The following SPHK1 variants were observed in gnomAD, a reference collection of about 807,000 sequenced individuals.
The protein encoded by SPHK1 is SK 1.
SPHK1 carries 10 observed loss-of-function variants against 14.6 expected under a neutral mutation model. That is an observed-to-expected ratio of 0.68 (90% CI 0.42 to 1.16). The LOEUF (loss-of-function observed/expected upper bound fraction) is 1.16, where lower values mean the gene tolerates loss of function less well. Ranked by LOEUF, SPHK1 falls within the 50% of genes most tolerant of loss-of-function variation. The probability of loss-of-function intolerance (pLI) is 0.00; values close to 1 mark genes in which losing one functional copy is unlikely to be tolerated. For missense variants in SPHK1, 553 were observed against 525.4 expected (o/e 1.05, Z -0.51); for synonymous variants, 274 against 224.0 (o/e 1.22, Z -1.99).
Position 76,386,237 on chromosome 17 carries a change from G to T in SPHK1, c.180G>T (p.Ala60=). 6.3e-7 allele frequency: 1 copy of T among 1,594,876 alleles called. No homozygotes were observed. The highest frequency in any genetic ancestry group is 8.5e-7 in the Non-Finnish European group (1 of 1,176,508). The change falls in exon 4 of 6, where the codon GCG becomes GCT. Residue 60 remains alanine (A), a synonymous_variant. Coordinates refer to ENST00000592299, the MANE Select transcript of SPHK1 (RefSeq NM_001142601.2). The surrounding 1 kb of genome is among the most constrained non-coding windows in gnomAD (Gnocchi z 5.3). ...TCCCTGCAGAGCGGCGGAACCACGC[G>T]CGGGAGCTGGTGCGGTCGGAGGAGC... ...TLMLTERRNH[A]RELVRSEELG...
chr17:76,386,798 C>T lies in SPHK1; in HGVS notation c.375-8C>T. On this transcript the variant is annotated splice_polypyrimidine_tract_variant and splice_region_variant and intron_variant, in intron 5 of 5. Coordinates refer to ENST00000592299, the MANE Select transcript of SPHK1 (RefSeq NM_001142601.2). This position sits in a 1 kb window ranked among gnomAD's most constrained non-coding sequence, Gnocchi z 5.3. Reference sequence around the variant, plus strand: ...TGTCCTGCCTTATCTGACTTTTTCCCCCTGCAGCTATGAGCAGGTCACCAA... The same window carrying T: ...TGTCCTGCCTTATCTGACTTTTTCCTCCTGCAGCTATGAGCAGGTCACCAA... 3.3e-6 allele frequency: 5 copies of T among 1,530,008 alleles called. No homozygotes were observed. The highest frequency in any genetic ancestry group is 4.4e-6 in the Non-Finnish European group (5 of 1,138,410). 94.8% of individuals were successfully genotyped at this position (1,530,008 alleles called of 1,614,324 possible). A position where few individuals can be genotyped will look rare whatever the true frequency, so the allele number is the denominator to read the frequency against.
In SPHK1 at chr17:76,386,293, C is replaced by G. The variant is rs570383206; in HGVS notation, c.236C>G (p.Ser79Cys). The change falls in exon 4 of 6, where the codon TCT (serine) becomes TGT (cysteine). Residue 79 changes from serine to cysteine, a missense_variant. Coordinates refer to ENST00000592299, the MANE Select transcript of SPHK1 (RefSeq NM_001142601.2). This position sits in a 1 kb window ranked among gnomAD's most constrained non-coding sequence, Gnocchi z 5.3. ...CGCTGGGACGCTCTGGTGGTCATGT[C>G]TGGAGACGGGCTGATGCACGAGGTG... ...LGRWDALVVMSGDGLMHEVVN... is the reference protein window; with the variant it reads ...LGRWDALVVMCGDGLMHEVVN... 1 of 1,602,888 alleles carries G rather than the reference C, an allele frequency of 6.2e-7. No individual in the cohort carries two copies. Among genetic ancestry groups the G allele is most frequent in the Admixed American group, 1.7e-5 (1 of 59,568 alleles).
intron 1 of SPHK1, 177 bp downstream of exon 1, chr17:76,384,983 G>T: frequency 2.6e-6 from 3 of 1,163,428 alleles, no homozygotes; most frequent in Non-Finnish European, 3.5e-6. Flanking sequence ...CGCGCGCGTC[G>T]CAACGGAGCG....
rs777730872 is a variant in SPHK1, at chr17:76,386,187, C to T, written c.164-34C>T. 1.0e-4 allele frequency: 163 copies of T among 1,591,010 alleles called. No individual in the cohort carries two copies. Among genetic ancestry groups the T allele is most frequent in the Middle Eastern group, 3.4e-4 (2 of 5,954 alleles). On this transcript the variant is annotated intron_variant, in intron 3 of 5. Coordinates refer to ENST00000592299, the MANE Select transcript of SPHK1 (RefSeq NM_001142601.2). The surrounding 1 kb of genome is among the most constrained non-coding windows in gnomAD (Gnocchi z 5.3). The stretch of plus-strand genomic sequence containing the variant: ...CGGGAGCATCCCCTGGCAGGGGACC[C>T]CCCCAGTCCTGATAGCTGCCGGTCT...
upstream of SPHK1, chr17:76,383,880 C>G (rs188485407): frequency 1.2e-4 from 148 of 1,274,562 alleles, no homozygotes; most frequent in African/African-American, 1.9e-3. Context: ...ACGGGGGCCC[C>G]CAGGCCCATC....
Position 76,387,271 on chromosome 17 carries a change from T to C in SPHK1, c.840T>C (p.Cys280=). The stretch of plus-strand genomic sequence containing the variant: ...TGTTTGCTGCACCCATGGGCCGCTG[T>C]GCAGCTGGCGTCATGCATCTGTTCT... The part of the protein sequence containing the change: ...SEMFAAPMGR[C]AAGVMHLFYV... Residue 280 remains cysteine (C), a synonymous_variant, in exon 6 of 6, where the codon TGT becomes TGC. Transcript: ENST00000592299. This position sits in a 1 kb window ranked among gnomAD's most constrained non-coding sequence, Gnocchi z 4.1. 1.2e-6 allele frequency: 2 copies of C among 1,613,488 alleles called. No individual in the cohort carries two copies. Among genetic ancestry groups the C allele is most frequent in the Non-Finnish European group, 1.7e-6 (2 of 1,179,962 alleles).
In SPHK1 at chr17:76,385,206, C is replaced by CT; in HGVS notation, c.-194-244dup. On this transcript the variant is annotated intron_variant, in intron 1 of 5. Transcript: ENST00000592299. The surrounding 1 kb of genome is among the most constrained non-coding windows in gnomAD (Gnocchi z 5.3). ...GTCCGTCGGAGGGAGCCACGGGGCTCTGACTCATCCGTCGGGCCGGAACCG... is the reference window on the plus strand; with the variant it reads ...GTCCGTCGGAGGGAGCCACGGGGCTCTTGACTCATCCGTCGGGCCGGAACCG... 1 of 1,562,224 alleles carries CT rather than the reference C, an allele frequency of 6.4e-7. No homozygotes were observed. Among genetic ancestry groups the CT allele is most frequent in the Middle Eastern group, 2.0e-4 (1 of 4,886 alleles).
In SPHK1 at chr17:76,386,007, C is replaced by G. The variant is rs373986019; in HGVS notation, c.33C>G (p.Leu11=). The G allele has an allele frequency of 6.2e-7, 1 of 1,602,894 alleles. No homozygotes were observed. Among genetic ancestry groups the G allele is most frequent in the Non-Finnish European group, 8.5e-7 (1 of 1,174,060 alleles). ...CAGCGGGCGGCCCCCGGGGCGTGCT[C>G]CCGCGGCCCTGCCGCGTGCTGGTGC... MDPAGGPRGV[L]PRPCRVLVLL... is the part of the protein sequence containing the mutation. Residue 11 remains leucine (L), a synonymous_variant, in exon 3 of 6, where the codon CTC becomes CTG. Transcript: ENST00000592299. The surrounding 1 kb of genome is among the most constrained non-coding windows in gnomAD (Gnocchi z 5.3).
At position 76,387,526 on chromosome 17, in the gene SPHK1, C is replaced by T. The variant is rs754010804; in HGVS notation, c.1095C>T (p.Cys365=). 3.0e-5 allele frequency: 49 copies of T among 1,610,508 alleles called. 1 individual carries two copies. The highest frequency in any genetic ancestry group is 1.0e-4 in the Admixed American group (6 of 59,928). The change falls in exon 6 of 6, where the codon TGC becomes TGT. Residue 365 remains cysteine (C), a synonymous_variant. Transcript: ENST00000592299. This position sits in a 1 kb window ranked among gnomAD's most constrained non-coding sequence, Gnocchi z 4.1. ...ACTACTTCTGGATGGTCAGCGGTTG[C>T]GTGGAGCCCCCGCCCAGCTGGAAGC... ...HPNYFWMVSG[C]VEPPPSWKPQ...
chr17:76,385,399 C>A lies in SPHK1; in HGVS notation c.-194-52C>A. ...CCGGGATTTAGTCGGGCGCTCCCCA[C>A]CTCTGGCAGCTGCGGCCCCGGACTC... On this transcript the variant is annotated intron_variant, in intron 1 of 5. Transcript: ENST00000592299. This position sits in a 1 kb window ranked among gnomAD's most constrained non-coding sequence, Gnocchi z 5.3. 2 of 1,473,606 alleles carry A rather than the reference C, an allele frequency of 1.4e-6. No individual in the cohort carries two copies. Among genetic ancestry groups the A allele is most frequent in the Non-Finnish European group, 1.8e-6 (2 of 1,115,810 alleles). 91.3% of individuals were successfully genotyped at this position (1,473,606 alleles called of 1,614,324 possible).
chr17:76,386,083 C>CA lies in SPHK1; in HGVS notation c.110dup (p.His37GlnfsTer8). On this transcript the variant is annotated frameshift_variant, in exon 3 of 6. Coordinates refer to ENST00000592299, the MANE Select transcript of SPHK1 (RefSeq NM_001142601.2). LOFTEE classifies it high-confidence loss of function. This position sits in a 1 kb window ranked among gnomAD's most constrained non-coding sequence, Gnocchi z 5.3. ...CAAGGCCTTGCAGCTCTTCCGGAGT[C>CA]ACGTGCAGCCCCTTTTGGCTGAGGC... 6.2e-7 allele frequency: 1 copy of CA among 1,605,914 alleles called. No individual in the cohort carries two copies. Among genetic ancestry groups the CA allele is most frequent in the Middle Eastern group, 1.7e-4 (1 of 5,982 alleles).
rs56342542 is a variant in SPHK1 at position 76,385,601 on chromosome 17, C to T, written c.-44C>T. The T allele has an allele frequency of 0.017, 26,366 of 1,540,470 alleles. 256 individuals carry two copies. The highest frequency in any genetic ancestry group is 0.02 in the Non-Finnish European group (23,212 of 1,148,862). On this transcript the variant is annotated 5_prime_UTR_variant, in exon 2 of 6. Transcript: ENST00000592299. The surrounding 1 kb of genome is among the most constrained non-coding windows in gnomAD (Gnocchi z 5.3). ...GCCGCCGCCACGGGCAGCGCCCCCA[C>T]AGCGCCAGGGACCCCCTGGCAGCGG...
At position 76,387,211 on chromosome 17, in the gene SPHK1, C is replaced by T. The variant is rs755984051; in HGVS notation, c.780C>T (p.Val260=). 3.6e-5 allele frequency: 58 copies of T among 1,612,960 alleles called. No homozygotes were observed. Among genetic ancestry groups the T allele is most frequent in the Non-Finnish European group, 4.5e-5 (53 of 1,179,904 alleles). The change falls in exon 6 of 6, where the codon GTC becomes GTT. Residue 260 remains valine (V), a synonymous_variant. Coordinates refer to ENST00000592299, the MANE Select transcript of SPHK1 (RefSeq NM_001142601.2). The surrounding 1 kb of genome is among the most constrained non-coding windows in gnomAD (Gnocchi z 4.1). ...TGCCCGACGAGGACTTTGTGCTAGT[C>T]CTGGCACTGCTGCACTCGCACCTGG... The part of the protein sequence containing the change: ...TVVPDEDFVL[V]LALLHSHLGS...
In SPHK1 at chr17:76,385,427, C is replaced by G. The variant is rs1567822109; in HGVS notation, c.-194-24C>G. On this transcript the variant is annotated intron_variant, in intron 1 of 5. Transcript: ENST00000592299. The surrounding 1 kb of genome is among the most constrained non-coding windows in gnomAD (Gnocchi z 5.3). ...CTGGCAGCTGCGGCCCCGGACTCCG[C>G]CAGCGCTGTCTTCTCTCCCTCAGGT... The G allele has an allele frequency of 6.7e-7, 1 of 1,503,036 alleles. No homozygotes were observed. The highest frequency in any genetic ancestry group is 1.4e-5 in the African/African-American group (1 of 71,600). 93.1% of individuals were successfully genotyped at this position (1,503,036 alleles called of 1,614,324 possible).
At chr17:76,383,903 C>A (rs996353608), upstream of SPHK1, 3 of 1,216,808 alleles carry the variant, frequency 2.5e-6, no homozygotes, top group Non-Finnish European at 3.2e-6. Flanking sequence ...CACTGTCAAG[C>A]CTCCTCTCCG....
intron 1 of SPHK1, 39 bp downstream of exon 1, chr17:76,384,845 C>G (rs2071933351): frequency 2.7e-6 from 1 of 375,640 alleles, no homozygotes; most frequent in African/African-American, 2.2e-5. Flanking sequence ...GCTCGTGGCT[C>G]CTGTGCGGCC....
At position 76,385,335 on chromosome 17, in the gene SPHK1, C is replaced by G. The variant is rs2071946790; in HGVS notation, c.-194-116C>G. The G allele has an allele frequency of 1.4e-6, 2 of 1,452,768 alleles. No individual in the cohort carries two copies. The highest frequency in any genetic ancestry group is 1.8e-6 in the Non-Finnish European group (2 of 1,104,224). 90.0% of individuals were successfully genotyped at this position (1,452,768 alleles called of 1,614,324 possible). A position where few individuals can be genotyped will look rare whatever the true frequency, so the allele number is the denominator to read the frequency against. ...CCCTCGGAGGCACCGGACCTCAGCT[C>G]TCTGGACTTCCCGGGAACCTGGCTC... On this transcript the variant is annotated intron_variant, in intron 1 of 5. Coordinates refer to ENST00000592299, the MANE Select transcript of SPHK1 (RefSeq NM_001142601.2). This position sits in a 1 kb window ranked among gnomAD's most constrained non-coding sequence, Gnocchi z 5.3.
Position 76,387,825 on chromosome 17 carries a change from CGAA to C in SPHK1, c.*240_*242del. The C allele has an allele frequency of 2.0e-6, 1 of 491,286 alleles. No individual in the cohort carries two copies. The highest frequency in any genetic ancestry group is 3.6e-6 in the Non-Finnish European group (1 of 279,252). 30.4% of individuals were successfully genotyped at this position (491,286 alleles called of 1,614,324 possible). ...AGTTTGTTCTGAGACCCCCACCCCA[CGAA>C]CCAAATCCAAATAAAGTGACATTCC... On this transcript the variant is annotated 3_prime_UTR_variant, in exon 6 of 6. Coordinates refer to ENST00000592299, the MANE Select transcript of SPHK1 (RefSeq NM_001142601.2). This position sits in a 1 kb window ranked among gnomAD's most constrained non-coding sequence, Gnocchi z 4.1.
In SPHK1 at chr17:76,385,390, C is replaced by T. The variant is rs567762007; in HGVS notation, c.-194-61C>T. 3 of 1,457,182 alleles carry T rather than the reference C, an allele frequency of 2.1e-6. No homozygotes were observed. The East Asian group carries it at 7.5e-5, about 37-fold the overall frequency. The allele number at this position is 1,457,182 out of a possible 1,614,324, so 90.3% of individuals were successfully genotyped here. On this transcript the variant is annotated intron_variant, in intron 1 of 5. Coordinates refer to ENST00000592299, the MANE Select transcript of SPHK1 (RefSeq NM_001142601.2). The surrounding 1 kb of genome is among the most constrained non-coding windows in gnomAD (Gnocchi z 5.3). ...CGCGTGGTCCCGGGATTTAGTCGGG[C>T]GCTCCCCACCTCTGGCAGCTGCGGC...
Sources: allele counts gnomAD v4.1 joint callset, GRCh38; gene constraint gnomAD v4.1.1; non-coding constraint Gnocchi (gnomAD v3.1); transcripts MANE v1.5; gene names NCBI Gene and HGNC (gene_info 2026-07-23, HGNC 2026-07-21).